Variants in VAV3 observed in about 807,000 individuals in gnomAD.
VAV3 encodes the protein vav guanine nucleotide exchange factor 3.
A neutral mutation model predicts 131.2 loss-of-function variants in VAV3; 94 were observed. That is an observed-to-expected ratio of 0.72 (90% CI 0.61 to 0.85). The LOEUF (loss-of-function observed/expected upper bound fraction) is 0.85. VAV3 is among the 40% of genes least tolerant of loss of function. The pLI is 0.00. For synonymous variants in VAV3, 349 were observed against 342.0 expected (o/e 1.02, Z -0.22); for missense variants, 939 against 1,002.7 (o/e 0.94, Z 0.86).
intron 4 of VAV3, among the ~76,000 whole-genome samples, chr1:107,775,219 A>ACAT (rs5776899): frequency 0.74 from 112,914 of 151,580 alleles, 42,330 homozygotes; most frequent in Non-Finnish European, 0.79. Flanking sequence ...TGCCTAAATA[A>ACAT]CAGTGAAAAG....
At chr1:107,709,504 T>G (rs866140003) in intron 15 of VAV3, among the ~76,000 whole-genome samples, 1 of 152,334 alleles carries the variant, frequency 6.6e-6, no homozygotes, top group African/African-American at 2.4e-5. Context: ...CAATTAAATC[T>G]CAGAATTTAT....
In VAV3 at chr1:107,783,382, A is replaced by C. The variant is rs542797531; in HGVS notation, c.322-3890T>G. ...AAGTGAGAGGTGAGGCACTGGAACC[A>C]AGATGGCTGCAGTAGACAGGAAAGT... On this transcript the variant is annotated intron_variant, in intron 2 of 26. Coordinates refer to ENST00000370056, the MANE Select transcript of VAV3 (RefSeq NM_006113.5). Among the ~76,000 whole-genome samples the C allele has an allele frequency of 4.6e-5, 7 of 152,342 alleles. No homozygotes were observed. In the East Asian group the frequency reaches 1.4e-3, roughly 29 times the overall value.
chr1:107,857,316 G>C (rs1571051374), intron 2 of VAV3, among the ~76,000 whole-genome samples: 1 of 152,298 alleles, frequency 6.6e-6, no homozygotes, highest in East Asian at 1.9e-4. Flanking sequence ...AAGCTTTTCA[G>C]CTTTGGCATT....
At chr1:107,694,146 C>G (rs551232261) in intron 17 of VAV3, among the ~76,000 whole-genome samples, 6 of 152,302 alleles carry the variant, frequency 3.9e-5, no homozygotes, top group African/African-American at 1.4e-4. Context: ...ACAGAACAGC[C>G]TAACCTTGGC....
intron 2 of VAV3, among the ~76,000 whole-genome samples, chr1:107,841,618 G>A (rs1249042880): frequency 6.6e-6 from 1 of 152,046 alleles, no homozygotes; most frequent in Non-Finnish European, 1.5e-5. Flanking sequence ...CATTAGATAG[G>A]GCACACTTTA....
chr1:107,934,217 T>A (rs1347238502), intron 1 of VAV3, among the ~76,000 whole-genome samples: 1 of 152,200 alleles, frequency 6.6e-6, no homozygotes, highest in Non-Finnish European at 1.5e-5. Context: ...CTCTATTCTG[T>A]GAAATGGCTA....
chr1:107,898,567 A>G (rs1671714881), intron 1 of VAV3, among the ~76,000 whole-genome samples: 1 of 152,196 alleles, frequency 6.6e-6, no homozygotes, highest in Non-Finnish European at 1.5e-5. Flanking sequence ...GACTTTTCCA[A>G]AATAAAGCTT....
In VAV3 at chr1:107,704,547, TA is replaced by T; in HGVS notation, c.1705+2del. On this transcript the variant is annotated splice_donor_variant, in intron 17 of 26. Coordinates refer to ENST00000370056, the MANE Select transcript of VAV3 (RefSeq NM_006113.5). LOFTEE classifies it high-confidence loss of function. ...CAGAATTGCAACAATAAACATGACT[TA>T]CCACCAGAATTAACTCTGCCACAAT... 6.2e-7 allele frequency: 1 copy of T among 1,610,664 alleles called. No individual in the cohort carries two copies. Among genetic ancestry groups the T allele is most frequent in the Non-Finnish European group, 8.5e-7 (1 of 1,177,406 alleles).
At chr1:107,945,390 A>G (rs182588268) in intron 1 of VAV3, among the ~76,000 whole-genome samples, 2 of 152,338 alleles carry the variant, frequency 1.3e-5, no homozygotes, top group Admixed American at 1.3e-4. Context: ...ACTGCTACTA[A>G]TAACAGTTAT....
intron 5 of VAV3, among the ~76,000 whole-genome samples, chr1:107,771,406 C>T (rs1665035950): frequency 6.6e-6 from 1 of 152,124 alleles, no homozygotes; most frequent in Non-Finnish European, 1.5e-5. Context: ...GTGCCCGCCG[C>T]CACGCCCAGC....
Position 107,804,759 on chromosome 1 carries a change from T to TG in VAV3, c.322-25268dup, listed in dbSNP as rs942372357. Among the ~76,000 whole-genome samples the TG allele has an allele frequency of 1.4e-4, 21 of 147,322 alleles. No individual in the cohort carries two copies. The South Asian group carries it at 2.6e-3, about 18-fold the overall frequency. On this transcript the variant is annotated intron_variant, in intron 2 of 26. Coordinates refer to ENST00000370056, the MANE Select transcript of VAV3 (RefSeq NM_006113.5). Reference sequence around the variant, plus strand: ...TGGGTTTTATACTTTCAAATATTTTTGGTTTTTTTTGTTTGTTTGTTTTGC... The same window carrying TG: ...TGGGTTTTATACTTTCAAATATTTTTGGGTTTTTTTTGTTTGTTTGTTTTGC...
intron 15 of VAV3, among the ~76,000 whole-genome samples, chr1:107,724,503 C>G (rs1661709339): frequency 2.0e-5 from 3 of 152,096 alleles, no homozygotes; most frequent in African/African-American, 7.2e-5. Flanking sequence ...TCTGGCCTTA[C>G]AGTTCTTTCA....
intron 19 of VAV3, chr1:107,673,655 A>G (rs1657979829): frequency 6.6e-6 from 1 of 152,228 alleles, no homozygotes; most frequent in Non-Finnish European, 1.5e-5. Context: ...TGTACACTTA[A>G]CACCAAGTCA....
chr1:107,620,153 T>C (rs1653458052), intron 20 of VAV3, among the ~76,000 whole-genome samples: 1 of 152,188 alleles, frequency 6.6e-6, no homozygotes. Flanking sequence ...CTCAGTCATT[T>C]TTGTATAACA....
chr1:107,667,481 G>A (rs1163545069), intron 19 of VAV3, among the ~76,000 whole-genome samples: 1 of 152,252 alleles, frequency 6.6e-6, no homozygotes, highest in African/African-American at 2.4e-5. Flanking sequence ...GTCTCCATAT[G>A]TGCCTAGGAA....
intron 1 of VAV3, among the ~76,000 whole-genome samples, chr1:107,918,706 T>TATATATATATA (rs1491228523): frequency 1.9e-5 from 1 of 51,468 alleles, no homozygotes; most frequent in Non-Finnish European, 4.4e-5. Context: ...TATATATATA[T>TATATATATATA]TTTTTTTTTT....
intron 17 of VAV3, among the ~76,000 whole-genome samples, chr1:107,697,079 A>G (rs1012327598): frequency 6.6e-6 from 1 of 152,190 alleles, no homozygotes; most frequent in African/African-American, 2.4e-5. Context: ...TACCAAGCTC[A>G]AACTCACACT....
chr1:107,634,521 A>G (rs1039446051), intron 20 of VAV3, among the ~76,000 whole-genome samples: 6 of 152,162 alleles, frequency 3.9e-5, no homozygotes, highest in African/African-American at 1.4e-4. Flanking sequence ...TAAAAACCCT[A>G]GAAGAAAACC....
intron 15 of VAV3, among the ~76,000 whole-genome samples, chr1:107,732,411 C>T (rs923089427): frequency 3.9e-5 from 6 of 152,096 alleles, no homozygotes; most frequent in African/African-American, 1.4e-4. Flanking sequence ...GGCAGGGCAT[C>T]GCCTCACCCA....
Sources: gnomAD v4.1 joint callset for allele counts (sites outside exome capture counted in the v4.1 genomes callset) on GRCh38, gnomAD v4.1.1 for gene constraint, MANE v1.5 for transcripts, NCBI Gene and HGNC (gene_info 2026-07-23, HGNC 2026-07-21) for gene names.